The following PCED1B variants were observed in gnomAD, a reference collection of about 807,000 sequenced individuals.
The protein encoded by PCED1B is PC-esterase domain containing 1B, also known as PC-esterase domain-containing protein 1B.
For missense variants in PCED1B, 573 were observed against 573.9 expected (o/e 1.00, Z 0.02); for synonymous variants, 251 against 246.1 (o/e 1.02, Z -0.19).
intron 2 of PCED1B, among the ~76,000 whole-genome samples, chr12:47,161,960 G>T (rs1440403007): frequency 6.6e-6 from 1 of 152,176 alleles, no homozygotes; most frequent in African/African-American, 2.4e-5. Context: ...CATGTCCTTT[G>T]TAGGGACATG....
At chr12:47,117,600 T>A (rs1457958765) in intron 2 of PCED1B, among the ~76,000 whole-genome samples, 4 of 152,170 alleles carry the variant, frequency 2.6e-5, no homozygotes, top group African/African-American at 7.2e-5. Flanking sequence ...TCTATCATTG[T>A]TGGACATTTG....
chr12:47,150,328 C>A (rs2051090574), intron 2 of PCED1B, among the ~76,000 whole-genome samples: 2 of 152,102 alleles, frequency 1.3e-5, no homozygotes, highest in African/African-American at 4.8e-5. Flanking sequence ...GTAATCCCAG[C>A]ACTTTGGGAG....
At chr12:47,165,071 G>GT (rs1430167708) in intron 2 of PCED1B, among the ~76,000 whole-genome samples, 1 of 152,170 alleles carries the variant, frequency 6.6e-6, no homozygotes, top group Non-Finnish European at 1.5e-5. Flanking sequence ...CTGCTTGAGA[G>GT]TTTTACCCTG....
intron 2 of PCED1B, chr12:47,135,427 C>T (rs955414581): frequency 1.1e-5 from 3 of 261,772 alleles, no homozygotes; most frequent in African/African-American, 2.3e-5. Context: ...GAATGGAAGG[C>T]GGAGTGCATG....
chr12:47,103,973 A>G (rs1375213447), intron 1 of PCED1B, 140 bp from the exon 2 acceptor site: 1 of 152,178 alleles, frequency 6.6e-6, no homozygotes, highest in African/African-American at 2.4e-5. Context: ...TGTCTGCTTA[A>G]ACTGACTTGA....
intron 1 of PCED1B, among the ~76,000 whole-genome samples, chr12:47,094,886 T>TTC (rs1035891106): frequency 6.6e-6 from 1 of 151,630 alleles, no homozygotes; most frequent in African/African-American, 2.4e-5. Flanking sequence ...TCTCTTTTCT[T>TTC]TCTCTCTCTC....
intron 1 of PCED1B, among the ~76,000 whole-genome samples, chr12:47,083,660 T>G (rs1937847810): frequency 6.6e-6 from 1 of 152,188 alleles, no homozygotes. Flanking sequence ...ATACATTTTC[T>G]GGGAAAACTC....
chr12:47,192,056 C>T (rs146513750), intron 2 of PCED1B, among the ~76,000 whole-genome samples: 370 of 152,142 alleles, frequency 2.4e-3, no homozygotes, highest in Non-Finnish European at 4.3e-3. Flanking sequence ...TGTATTCAAT[C>T]CACCCCGTAT....
chr12:47,236,557 C>T lies in PCED1B; in HGVS notation c.*195C>T. ...GACTCATTCTTCTTGGCTGCAGCCT[C>T]TTCCCCACTTCCTGGGAGTGACCCA... On this transcript the variant is annotated 3_prime_UTR_variant, in exon 4 of 4. Transcript: ENST00000546455. 1.8e-6 allele frequency: 1 copy of T among 564,734 alleles called. No individual in the cohort carries two copies. 35.0% of individuals were successfully genotyped at this position (564,734 alleles called of 1,614,324 possible).
At chr12:47,081,651 C>T (rs1026088207) in intron 1 of PCED1B, among the ~76,000 whole-genome samples, 6 of 152,172 alleles carry the variant, frequency 3.9e-5, no homozygotes, top group Admixed American at 1.3e-4. Context: ...AAAGCTTGGT[C>T]TCCAGGACTT....
intron 2 of PCED1B, among the ~76,000 whole-genome samples, chr12:47,183,773 C>T (rs1434385125): frequency 1.3e-5 from 2 of 152,212 alleles, no homozygotes; most frequent in Non-Finnish European, 2.9e-5. Context: ...AGGGACTCAT[C>T]TGTATACAGA....
At chr12:47,151,844 AG>A (rs1286597835) in intron 2 of PCED1B, among the ~76,000 whole-genome samples, 1 of 152,216 alleles carries the variant, frequency 6.6e-6, no homozygotes, top group Non-Finnish European at 1.5e-5. Context: ...TACTTCACTC[AG>A]TCTGGCCACT....
At chr12:47,188,983 C>G (rs1942361293) in intron 2 of PCED1B, among the ~76,000 whole-genome samples, 1 of 152,168 alleles carries the variant, frequency 6.6e-6, no homozygotes, top group Non-Finnish European at 1.5e-5. Context: ...TGTGAACTTT[C>G]TCTCCATGTT....
intron 2 of PCED1B, among the ~76,000 whole-genome samples, chr12:47,139,698 T>C (rs887812744): frequency 6.6e-6 from 1 of 152,012 alleles, no homozygotes; most frequent in Non-Finnish European, 1.5e-5. Flanking sequence ...TGTGCTTGTG[T>C]GGTGTATGTG....
At chr12:47,159,291 T>G (rs1028815729) in intron 2 of PCED1B, among the ~76,000 whole-genome samples, 3 of 152,192 alleles carry the variant, frequency 2.0e-5, no homozygotes, top group African/African-American at 7.2e-5. Context: ...ATGGTAGTTG[T>G]TCTATTTTTA....
intron 2 of PCED1B, among the ~76,000 whole-genome samples, chr12:47,212,190 G>A (rs1302500253): frequency 1.3e-5 from 2 of 152,088 alleles, no homozygotes; most frequent in African/African-American, 2.4e-5. Flanking sequence ...TGAGGTGTGA[G>A]GATCACTTGA....
chr12:47,165,819 T>C (rs1215139455), intron 2 of PCED1B, among the ~76,000 whole-genome samples: 1 of 152,240 alleles, frequency 6.6e-6, no homozygotes, highest in Non-Finnish European at 1.5e-5. Flanking sequence ...ATTAGTCCTC[T>C]ATTCAATTAA....
chr12:47,156,977 T>C (rs951191429), intron 2 of PCED1B, among the ~76,000 whole-genome samples: 1 of 152,196 alleles, frequency 6.6e-6, no homozygotes, highest in Non-Finnish European at 1.5e-5. Context: ...GTAAAATGCC[T>C]AATGCTAATG....
At chr12:47,089,268 G>T (rs540661472) in intron 1 of PCED1B, among the ~76,000 whole-genome samples, 1 of 151,260 alleles carries the variant, frequency 6.6e-6, no homozygotes, top group South Asian at 2.1e-4. Context: ...CGGTGAAACC[G>T]ATCTCTACTA....
Sources: gnomAD v4.1 joint callset for allele counts (sites outside exome capture counted in the v4.1 genomes callset) on GRCh38, gnomAD v4.1.1 for gene constraint, MANE v1.5 for transcripts, NCBI Gene and HGNC (gene_info 2026-07-23, HGNC 2026-07-21) for gene names.